The following HHAT variants were observed in gnomAD, a reference collection of about 807,000 sequenced individuals.
HHAT encodes the protein hedgehog acyltransferase.
HHAT carries 47 observed loss-of-function variants against 70.8 expected under a neutral mutation model. The observed-to-expected ratio is 0.66, with a 90% CI of 0.53 to 0.85. The LOEUF (loss-of-function observed/expected upper bound fraction) is 0.85. HHAT is among the 40% of genes least tolerant of loss of function. The pLI, the probability that HHAT is intolerant of heterozygous loss-of-function variation, is 0.00. For missense variants in HHAT, 609 were observed against 604.8 expected, an observed-to-expected ratio of 1.01 and a Z score of -0.07; for synonymous variants, 228 against 247.6, an observed-to-expected ratio of 0.92 and a Z score of 0.74.
At chr1:210,375,572 G>A (rs1338949146) in intron 3 of HHAT, among the ~76,000 whole-genome samples, 1 of 151,896 alleles carries the variant, frequency 6.6e-6, no homozygotes, top group Non-Finnish European at 1.5e-5. Flanking sequence ...ATTCTGCCAA[G>A]CTCTGTCTTT....
chr1:210,475,505 T>G (rs1256278493), intron 8 of HHAT, among the ~76,000 whole-genome samples: 3 of 152,232 alleles, frequency 2.0e-5, no homozygotes, highest in African/African-American at 7.2e-5. Context: ...ATTGGGTTTT[T>G]ACCTCCACCT....
intron 9 of HHAT, among the ~76,000 whole-genome samples, chr1:210,570,283 C>T (rs1171592667): frequency 6.6e-6 from 1 of 152,168 alleles, no homozygotes; most frequent in African/African-American, 2.4e-5. Context: ...GGTCCTTTGC[C>T]AAGTCCCATG....
Position 210,648,486 on chromosome 1 carries a change from G to A in HHAT, c.1390+24816G>A, listed in dbSNP as rs539250322. ...CAGTGATGGAGACAAGGTTCTTTCCGTCTTTGCAGTATTTGTTTCTTCTCT... is the reference window on the plus strand; with the variant it reads ...CAGTGATGGAGACAAGGTTCTTTCCATCTTTGCAGTATTTGTTTCTTCTCT... On this transcript the variant is annotated intron_variant, in intron 11 of 11. Transcript: ENST00000261458. Among the ~76,000 whole-genome samples, 11 of 152,254 alleles carry A rather than the reference G, an allele frequency of 7.2e-5. No homozygotes were observed. The East Asian group carries it at 7.7e-4, about 11-fold the overall frequency.
At chr1:210,555,656 G>T (rs1016461206) in intron 9 of HHAT, among the ~76,000 whole-genome samples, 1 of 152,208 alleles carries the variant, frequency 6.6e-6, no homozygotes, top group African/African-American at 2.4e-5. Flanking sequence ...ATAACTGTTA[G>T]ATAACAGGCT....
At position 210,359,514 on chromosome 1, in the gene HHAT, C is replaced by T. The variant is rs137950497; in HGVS notation, c.92-3338C>T. 6.6e-4 allele frequency among the ~76,000 whole-genome samples: 100 copies of T among 152,140 alleles called. 1 individual carries two copies. The highest frequency in any genetic ancestry group is 1.9e-3 in the African/African-American group (77 of 41,510). ...CGATGAACTGGCTCATTTGATCTTG[C>T]GGCTCCCACTCAGGAACCAACTCAG... On this transcript the variant is annotated intron_variant, in intron 2 of 11. Transcript: ENST00000261458.
At chr1:210,651,699 A>T (rs1675193347) in intron 11 of HHAT, among the ~76,000 whole-genome samples, 1 of 152,184 alleles carries the variant, frequency 6.6e-6, no homozygotes, top group Non-Finnish European at 1.5e-5. Context: ...AATAGGAAGG[A>T]AGTTCAGTTG....
intron 9 of HHAT, among the ~76,000 whole-genome samples, chr1:210,574,805 C>T (rs1657258363): frequency 6.6e-6 from 1 of 152,252 alleles, no homozygotes; most frequent in Non-Finnish European, 1.5e-5. Context: ...CTTTATTGCA[C>T]TTGTCCTCAG....
At chr1:210,610,388 A>G (rs1666342791) in intron 10 of HHAT, among the ~76,000 whole-genome samples, 3 of 151,970 alleles carry the variant, frequency 2.0e-5, no homozygotes, top group Admixed American at 6.6e-5. Context: ...TTGTAGATTT[A>G]TTTAAGTTCC....
At chr1:210,377,323 T>C (rs1357057153) in intron 3 of HHAT, among the ~76,000 whole-genome samples, 1 of 152,246 alleles carries the variant, frequency 6.6e-6, no homozygotes, top group Non-Finnish European at 1.5e-5. Flanking sequence ...TGTTTATAGC[T>C]CTTTTTTCCA....
chr1:210,452,100 A>G (rs749547426), intron 7 of HHAT, among the ~76,000 whole-genome samples: 1 of 152,232 alleles, frequency 6.6e-6, no homozygotes, highest in Non-Finnish European at 1.5e-5. Context: ...GCATCTTGTT[A>G]TAGAAAGATA....
rs1439779233 is a variant in HHAT, at chr1:210,464,614, C to A, written c.966C>A (p.Pro322=). The A allele has an allele frequency of 1.2e-6, 2 of 1,614,194 alleles. No individual in the cohort carries two copies. The highest frequency in any genetic ancestry group is 1.7e-6 in the Non-Finnish European group (2 of 1,180,026). The change falls in exon 8 of 12, where the codon CCC becomes CCA. Residue 322 remains proline, a synonymous_variant. Transcript: ENST00000261458. Reference sequence around the variant, plus strand: ...ATGGACTCACTCCACCCGCCCTCCCCCGCTGCGTGAGCACCATGTTCAGTT... The same window carrying A: ...ATGGACTCACTCCACCCGCCCTCCCACGCTGCGTGAGCACCATGTTCAGTT... ...RLDGLTPPAL[P]RCVSTMFSFT...
intron 8 of HHAT, among the ~76,000 whole-genome samples, chr1:210,506,423 C>T (rs911063037): frequency 2.6e-5 from 4 of 152,158 alleles, no homozygotes; most frequent in Non-Finnish European, 4.4e-5. Flanking sequence ...TGAAATCTGC[C>T]TCCCCATGGC....
intron 11 of HHAT, among the ~76,000 whole-genome samples, chr1:210,649,519 C>T (rs1458066716): frequency 1.3e-5 from 2 of 152,200 alleles, no homozygotes; most frequent in Non-Finnish European, 2.9e-5. Flanking sequence ...ACCTATATGA[C>T]CCTCAGATAG....
At position 210,556,466 on chromosome 1, in the gene HHAT, C is replaced by T. The variant is rs1001171207; in HGVS notation, c.1044-31432C>T. ...ATGTCCACCCTGGTTCCCACTGCTCCCTGCTGCTCACCTGAACCCCAGGGG... is the reference window on the plus strand; with the variant it reads ...ATGTCCACCCTGGTTCCCACTGCTCTCTGCTGCTCACCTGAACCCCAGGGG... On this transcript the variant is annotated intron_variant, in intron 9 of 11. Transcript: ENST00000261458. Among the ~76,000 whole-genome samples, 12 of 152,286 alleles carry T rather than the reference C, an allele frequency of 7.9e-5. No individual in the cohort carries two copies. In the East Asian group the frequency reaches 2.3e-3, roughly 29 times the overall value.
chr1:210,383,893 C>T (rs774343305), intron 3 of HHAT, among the ~76,000 whole-genome samples: 1 of 152,196 alleles, frequency 6.6e-6, no homozygotes, highest in Non-Finnish European at 1.5e-5. Context: ...CTGTCAGTTT[C>T]ACTGACATAT....
At chr1:210,579,686 G>A (rs560909308) in intron 9 of HHAT, among the ~76,000 whole-genome samples, 43 of 152,266 alleles carry the variant, frequency 2.8e-4, no homozygotes, top group Non-Finnish European at 5.6e-4. Context: ...GGCAGAGCAG[G>A]GCCAAGGTCA....
chr1:210,593,077 T>C (rs957373576), intron 10 of HHAT, among the ~76,000 whole-genome samples: 1 of 152,160 alleles, frequency 6.6e-6, no homozygotes, highest in Admixed American at 6.5e-5. Flanking sequence ...TCCCTTCCTG[T>C]ATCCAAGTGT....
chr1:210,534,359 C>T (rs929149866), intron 9 of HHAT, among the ~76,000 whole-genome samples: 11 of 152,084 alleles, frequency 7.2e-5, no homozygotes, highest in East Asian at 1.9e-4. Context: ...TCACACTACA[C>T]GGTGTAAAGA....
intron 4 of HHAT, among the ~76,000 whole-genome samples, chr1:210,389,604 C>T (rs1572092906): frequency 1.3e-5 from 2 of 152,236 alleles, no homozygotes; most frequent in Admixed American, 6.5e-5. Flanking sequence ...CTCATTCTCT[C>T]TTCTGCTCTG....
Sources: gnomAD v4.1 joint callset for allele counts (sites outside exome capture counted in the v4.1 genomes callset) on GRCh38, gnomAD v4.1.1 for gene constraint, MANE v1.5 for transcripts, NCBI Gene and HGNC (gene_info 2026-07-23, HGNC 2026-07-21) for gene names.